RNF220: variants seen among roughly 807,000 people sequenced by gnomAD.
The protein encoded by RNF220 is E3 ubiquitin-protein ligase RNF220.
RNF220 carries 7 observed loss-of-function variants against 67.1 expected under a neutral mutation model. The ratio of observed to expected loss-of-function variants is 0.10; its 90% CI spans 0.06 to 0.20. The LOEUF is 0.20. RNF220 is among the 10% of genes least tolerant of loss of function. The pLI, the probability that RNF220 is intolerant of heterozygous loss-of-function variation, is 1.00. For missense variants in RNF220, 565 were observed against 740.3 expected, an observed-to-expected ratio of 0.76 and a Z score of 2.75; for synonymous variants, 270 against 283.2, an observed-to-expected ratio of 0.95 and a Z score of 0.47.
At chr1:44,421,267 T>C (rs1413780786) in intron 2 of RNF220, among the ~76,000 whole-genome samples, 1 of 152,158 alleles carries the variant, frequency 6.6e-6, no homozygotes, top group Non-Finnish European at 1.5e-5. Context: ...ATTCTGAAAT[T>C]TTATATTACT....
rs189977651 is a variant in RNF220, at chr1:44,495,891, G to A, written c.625+83169G>A. Among the ~76,000 whole-genome samples the A allele has an allele frequency of 2.7e-3, 406 of 152,348 alleles. 2 individuals carry two copies. In the South Asian group the frequency reaches 0.03, roughly 11 times the overall value. On this transcript the variant is annotated intron_variant, in intron 2 of 14. Coordinates refer to ENST00000361799, the MANE Select transcript of RNF220 (RefSeq NM_018150.4). The stretch of plus-strand genomic sequence containing the variant: ...ATTTAGAGTAGTGTCTAGCACCTTA[G>A]TAACCACTCAGCATATGCTTACTGG...
In RNF220 at chr1:44,418,336, G is replaced by A. The variant is rs550214399; in HGVS notation, c.625+5614G>A. ...TGTACAGCGCCTGGGGACCTCGCTG[G>A]CCCCTTGGTGCCCCCAGGACTCTGA... On this transcript the variant is annotated intron_variant, in intron 2 of 14. Transcript: ENST00000361799. 6.6e-5 allele frequency among the ~76,000 whole-genome samples: 10 copies of A among 152,340 alleles called. No homozygotes were observed. The East Asian group carries it at 1.7e-3, about 26-fold the overall frequency.
intron 2 of RNF220, among the ~76,000 whole-genome samples, chr1:44,462,392 A>G (rs1653864366): frequency 1.3e-5 from 2 of 152,220 alleles, no homozygotes; most frequent in African/African-American, 4.8e-5. Flanking sequence ...CATAAAACTC[A>G]TAATATGTCG....
chr1:44,594,448 T>C (rs1283682495), intron 2 of RNF220, among the ~76,000 whole-genome samples: 1 of 152,116 alleles, frequency 6.6e-6, no homozygotes, highest in Non-Finnish European at 1.5e-5. Context: ...GACAGAACTT[T>C]CCCCAACAGA....
At chr1:44,496,517 T>C (rs564036898) in intron 2 of RNF220, among the ~76,000 whole-genome samples, 4 of 152,218 alleles carry the variant, frequency 2.6e-5, no homozygotes, top group Non-Finnish European at 2.9e-5. Context: ...CTTAAATTAA[T>C]GAACCACTGC....
intron 1 of RNF220, among the ~76,000 whole-genome samples, chr1:44,406,685 C>G (rs902830081): frequency 2.0e-5 from 3 of 152,196 alleles, no homozygotes; most frequent in African/African-American, 4.8e-5. Context: ...CCTCCCCCAC[C>G]CCACCCCCGC....
intron 2 of RNF220, among the ~76,000 whole-genome samples, chr1:44,560,528 A>C (rs1663486087): frequency 1.3e-5 from 2 of 152,122 alleles, no homozygotes; most frequent in South Asian, 4.1e-4. Flanking sequence ...GATCTCATTT[A>C]ATCCTCATTC....
intron 2 of RNF220, among the ~76,000 whole-genome samples, chr1:44,595,917 C>T (rs1468244093): frequency 3.3e-5 from 5 of 152,056 alleles, no homozygotes; most frequent in Admixed American, 6.5e-5. Flanking sequence ...GCGCCCGCCA[C>T]CACGCCCGGC....
chr1:44,541,694 T>A (rs1661688548), intron 2 of RNF220, among the ~76,000 whole-genome samples: 1 of 152,192 alleles, frequency 6.6e-6, no homozygotes, highest in Non-Finnish European at 1.5e-5. Context: ...TGTTGGAAGG[T>A]GCTGCTTCTC....
chr1:44,626,151 G>A (rs1643931856), intron 4 of RNF220, 146 bp from the exon 5 acceptor site: 10 of 641,590 alleles, frequency 1.6e-5, no homozygotes, highest in Non-Finnish European at 2.8e-5. Flanking sequence ...TTGACCCCAT[G>A]CCTTTAGAAT....
chr1:44,588,511 A>C (rs1665874892), intron 2 of RNF220, among the ~76,000 whole-genome samples: 1 of 152,224 alleles, frequency 6.6e-6, no homozygotes, highest in Non-Finnish European at 1.5e-5. Context: ...TGTCTTGGGG[A>C]AAGTGGCCCC....
At position 44,538,995 on chromosome 1, in the gene RNF220, C is replaced by T. The variant is rs376617518; in HGVS notation, c.626-75170C>T. Among the ~76,000 whole-genome samples the T allele has an allele frequency of 2.1e-3, 305 of 147,384 alleles. 1 individual carries two copies. The highest frequency in any genetic ancestry group is 7.3e-3 in the African/African-American group (291 of 39,674). ...CAGCACTTTGAGAGGCCCAGGTGGG[C>T]GGATCACCTGAGCTCAGGAGTTGGA... is the stretch of plus-strand genomic sequence containing the variant. On this transcript the variant is annotated intron_variant, in intron 2 of 14. Transcript: ENST00000361799.
chr1:44,550,202 G>C (rs954313493), intron 2 of RNF220, among the ~76,000 whole-genome samples: 3 of 152,232 alleles, frequency 2.0e-5, no homozygotes, highest in Non-Finnish European at 4.4e-5. Flanking sequence ...AGTCCCCTTG[G>C]CAAAGCCAAG....
At chr1:44,436,350 G>A (rs1026601762) in intron 2 of RNF220, among the ~76,000 whole-genome samples, 12 of 152,072 alleles carry the variant, frequency 7.9e-5, no homozygotes, top group Middle Eastern at 3.4e-3. Flanking sequence ...TTTAGGGGGG[G>A]TAATATATTT....
chr1:44,433,037 C>T (rs1015836636), intron 2 of RNF220, among the ~76,000 whole-genome samples: 2 of 151,840 alleles, frequency 1.3e-5, no homozygotes, highest in African/African-American at 2.4e-5. Context: ...TCAAGTGATT[C>T]TCCTGCCTCA....
intron 2 of RNF220, among the ~76,000 whole-genome samples, chr1:44,540,974 A>G (rs1451734147): frequency 6.6e-6 from 1 of 152,050 alleles, no homozygotes; most frequent in Non-Finnish European, 1.5e-5. Flanking sequence ...AGTAATTAAC[A>G]TTTGTTACGG....
chr1:44,616,200 T>C (rs915225339), intron 3 of RNF220, among the ~76,000 whole-genome samples: 4 of 152,214 alleles, frequency 2.6e-5, no homozygotes, highest in African/African-American at 9.6e-5. Flanking sequence ...TTGCTTCTAC[T>C]CTATTCTATT....
chr1:44,430,070 G>C (rs1650196293), intron 2 of RNF220, among the ~76,000 whole-genome samples: 1 of 143,140 alleles, frequency 7.0e-6, no homozygotes, highest in African/African-American at 2.6e-5. Context: ...ACAAGATACA[G>C]AGAGAAAAAA....
intron 2 of RNF220, among the ~76,000 whole-genome samples, chr1:44,598,068 A>G (rs2148391166): frequency 6.6e-6 from 1 of 151,640 alleles, no homozygotes; most frequent in African/African-American, 2.4e-5. Context: ...CCCCTCCAAG[A>G]GTCAGGCCTC....
Sources: allele counts gnomAD v4.1 joint callset (sites outside exome capture counted in the v4.1 genomes callset), GRCh38; gene constraint gnomAD v4.1.1; transcripts MANE v1.5; gene names NCBI Gene and HGNC (gene_info 2026-07-23, HGNC 2026-07-21).